Variants in ADPRHL1 observed in about 807,000 individuals in gnomAD.
ADPRHL1 encodes ADP-ribosylhydrolase like 1, also known as inactive ADP-ribosyltransferase ARH2.
ADPRHL1 carries 43 observed loss-of-function variants against 44.1 expected under a neutral mutation model. That is an observed-to-expected ratio of 0.98 (90% confidence interval 0.76 to 1.26). The LOEUF (loss-of-function observed/expected upper bound fraction) is 1.26, where lower values mean the gene tolerates loss of function less well. Among genes scored for constraint, ADPRHL1 ranks in the 50% most tolerant of loss-of-function variants. ADPRHL1 has a pLI of 0.00. For synonymous variants in ADPRHL1, 878 were observed against 1,017.4 expected, an observed-to-expected ratio of 0.86 and a Z score of 2.61; for missense variants, 2,022 against 2,496.9, an observed-to-expected ratio of 0.81 and a Z score of 4.05.
At chr13:113,445,756 G>C (rs2139649955) in intron 1 of ADPRHL1, among the ~76,000 whole-genome samples, 1 of 152,258 alleles carries the variant, frequency 6.6e-6, no homozygotes, top group East Asian at 1.9e-4. Flanking sequence ...AGATGTCCTA[G>C]CATGGATGGG....
rs1434552587 is a variant in ADPRHL1 at position 113,450,098 on chromosome 13, T to G, written c.214+3126A>C. ...GAGTCAGCACTCACCATTGTCGTTT[T>G]GTAGAGATGGAGTCTTGCTATGTTT... On this transcript the variant is annotated intron_variant, in intron 1 of 7. Coordinates refer to ENST00000612156, the MANE Select transcript of ADPRHL1 (RefSeq NM_001394807.1). Among the ~76,000 whole-genome samples, 5 of 152,218 alleles carry G rather than the reference T, an allele frequency of 3.3e-5. No homozygotes were observed. The East Asian group carries it at 9.6e-4, about 29-fold the overall frequency.
intron 7 of ADPRHL1, chr13:113,421,806 C>A (rs2043925642): frequency 6.6e-6 from 1 of 152,254 alleles, no homozygotes. Flanking sequence ...TCCAACCAAC[C>A]AGGCTTTCTG....
intron 7 of ADPRHL1, among the ~76,000 whole-genome samples, chr13:113,417,120 G>A (rs1462149444): frequency 6.6e-6 from 1 of 152,254 alleles, no homozygotes; most frequent in African/African-American, 2.4e-5. Flanking sequence ...GCTGCTGGGA[G>A]AGGCGATGCT....
At chr13:113,411,162 CA>C (rs2139601489) in intron 7 of ADPRHL1, among the ~76,000 whole-genome samples, 1 of 152,290 alleles carries the variant, frequency 6.6e-6, no homozygotes, top group African/African-American at 2.4e-5. Flanking sequence ...CCCCACCGTC[CA>C]AATAGAAAGA....
At chr13:113,431,998 G>A (rs146983710) in intron 3 of ADPRHL1, among the ~76,000 whole-genome samples, 32 of 152,330 alleles carry the variant, frequency 2.1e-4, no homozygotes, top group East Asian at 1.7e-3. Context: ...GATTACAGGC[G>A]TGAGCCACCG....
rs9604102 is a variant in ADPRHL1, at chr13:113,409,762, G to A, written c.1062-1542C>T. ...AAATCAGCCGGGCGTGGTGGCGGGC[G>A]CCTGTAGTCCCAGCTACTTGGGAGG... On this transcript the variant is annotated intron_variant, in intron 7 of 7. Coordinates refer to ENST00000612156, the MANE Select transcript of ADPRHL1 (RefSeq NM_001394807.1). The surrounding 1 kb of genome is among the most constrained non-coding windows in gnomAD (Gnocchi z 4.2). 193,445 of 604,496 alleles carry A rather than the reference G, an allele frequency of 0.32. 32,328 individuals carry two copies. Among genetic ancestry groups the A allele is most frequent in the Middle Eastern group, 0.37 (429 of 1,160 alleles). The allele number at this position is 604,496 out of a possible 1,614,324, so 37.4% of individuals were successfully genotyped here. A position where few individuals can be genotyped will look rare whatever the true frequency, so the allele number is the denominator to read the frequency against.
rs1012209011 is a variant in ADPRHL1 at position 113,403,441 on chromosome 13, G to A, written c.5841C>T (p.Ala1947=). The A allele has an allele frequency of 4.9e-6, 6 of 1,232,130 alleles. No homozygotes were observed. The highest frequency in any genetic ancestry group is 4.0e-6 in the Non-Finnish European group (4 of 988,010). 76.3% of individuals were successfully genotyped at this position (1,232,130 alleles called of 1,614,324 possible). A position where few individuals can be genotyped will look rare whatever the true frequency, so the allele number is the denominator to read the frequency against. Reference sequence around the variant, plus strand: ...TCATTGGTCTGAAGGACAAATCGAAGGCCCTCTGGTCACGGAAGCTCTGGG... The same window carrying A: ...TCATTGGTCTGAAGGACAAATCGAAAGCCCTCTGGTCACGGAAGCTCTGGG... The part of the protein sequence containing the change: ...YKAQSFRDQR[A]FDLSFRPMSV... The change falls in exon 8 of 8, where the codon GCC becomes GCT. Residue 1947 remains alanine (A), a synonymous_variant. Coordinates refer to ENST00000612156, the MANE Select transcript of ADPRHL1 (RefSeq NM_001394807.1).
chr13:113,430,565 A>T (rs1233096235), intron 3 of ADPRHL1, among the ~76,000 whole-genome samples: 1 of 152,148 alleles, frequency 6.6e-6, no homozygotes, highest in East Asian at 1.9e-4. Context: ...GTGTGGTGCC[A>T]GTGACTGCAG....
intron 4 of ADPRHL1, among the ~76,000 whole-genome samples, chr13:113,427,561 G>A (rs1014892460): frequency 4.0e-5 from 6 of 150,992 alleles, no homozygotes; most frequent in African/African-American, 1.2e-4. Flanking sequence ...TTTTTGAGAC[G>A]GAGTCTCTGT....
At position 113,403,389 on chromosome 13, in the gene ADPRHL1, G is replaced by A; in HGVS notation, c.5893C>T (p.Leu1965Phe). 1 of 1,232,126 alleles carries A rather than the reference G, an allele frequency of 8.1e-7. No homozygotes were observed. The highest frequency in any genetic ancestry group is 3.2e-5 in the East Asian group (1 of 31,706). 76.3% of individuals were successfully genotyped at this position (1,232,126 alleles called of 1,614,324 possible). A position where few individuals can be genotyped will look rare whatever the true frequency, so the allele number is the denominator to read the frequency against. Residue 1965 changes from leucine to phenylalanine, a missense_variant, in exon 8 of 8, where the codon CTC becomes TTC. Coordinates refer to ENST00000612156, the MANE Select transcript of ADPRHL1 (RefSeq NM_001394807.1). Reference protein sequence around the residue: ...MSVRASDTSELPK With the variant: ...MSVRASDTSEFPK ...GTGTACTCGGGGCCTCACTTTGGGA[G>A]CTCAGACGTGTCGCTGGCCCTGACG... is the stretch of plus-strand genomic sequence containing the variant.
At chr13:113,437,596 A>G (rs182143234) in intron 2 of ADPRHL1, among the ~76,000 whole-genome samples, 12 of 152,318 alleles carry the variant, frequency 7.9e-5, no homozygotes, top group Non-Finnish European at 1.3e-4. Context: ...GTCACTCCTT[A>G]TAACTGCTCT....
chr13:113,453,464 C>A lies in ADPRHL1; in HGVS notation c.-27G>T. On this transcript the variant is annotated 5_prime_UTR_variant, in exon 1 of 8. Coordinates refer to ENST00000612156, the MANE Select transcript of ADPRHL1 (RefSeq NM_001394807.1). The surrounding 1 kb of genome is among the most constrained non-coding windows in gnomAD (Gnocchi z 5.4). Reference sequence around the variant, plus strand: ...CCAGGAGGCAGCTCCTCTTCCCCAACAGCTGCGGAGCGTCCTGGCCTTTGT... The same window carrying A: ...CCAGGAGGCAGCTCCTCTTCCCCAAAAGCTGCGGAGCGTCCTGGCCTTTGT... The A allele has an allele frequency of 6.2e-7, 1 of 1,611,766 alleles. No homozygotes were observed.
At chr13:113,423,343 G>A (rs1373268095) in intron 6 of ADPRHL1, among the ~76,000 whole-genome samples, 6 of 152,180 alleles carry the variant, frequency 3.9e-5, no homozygotes, top group Non-Finnish European at 5.9e-5. Flanking sequence ...TGTGTGAAGC[G>A]GTGTTTCAGC....
rs989564061 is a variant in ADPRHL1, at chr13:113,444,866, G to A, written c.215-277C>T. On this transcript the variant is annotated intron_variant, in intron 1 of 7. Coordinates refer to ENST00000612156, the MANE Select transcript of ADPRHL1 (RefSeq NM_001394807.1). ...TCTCGATCTCCTGACCTTGTGATCT[G>A]CCCACCTCAGCCTCCCAAAGTGCTG... is the stretch of plus-strand genomic sequence containing the variant. Among the ~76,000 whole-genome samples the A allele has an allele frequency of 2.1e-3, 320 of 152,156 alleles. 2 individuals carry two copies. The highest frequency in any genetic ancestry group is 6.7e-3 in the African/African-American group (280 of 41,502).
intron 7 of ADPRHL1, among the ~76,000 whole-genome samples, chr13:113,413,624 C>T (rs976479300): frequency 2.6e-5 from 4 of 152,346 alleles, no homozygotes; most frequent in African/African-American, 9.6e-5. Flanking sequence ...AACGCGTCCT[C>T]ATGCGCTGGA....
At chr13:113,446,574 T>C (rs2044139437) in intron 1 of ADPRHL1, among the ~76,000 whole-genome samples, 1 of 151,932 alleles carries the variant, frequency 6.6e-6, no homozygotes, top group Admixed American at 6.6e-5. Flanking sequence ...GTTGTCTACA[T>C]GCACAGTGTT....
In ADPRHL1 at chr13:113,409,267, T is replaced by TC. The variant is rs35919149; in HGVS notation, c.1062-1048dup. ...ACCACAGGAGCAAAGCTGGAAGGTCTCCCCATCTGTGGCAGGGGGTGGAGC... is the reference window on the plus strand; with the variant it reads ...ACCACAGGAGCAAAGCTGGAAGGTCTCCCCCATCTGTGGCAGGGGGTGGAGC... On this transcript the variant is annotated intron_variant, in intron 7 of 7. Transcript: ENST00000612156. This position sits in a 1 kb window ranked among gnomAD's most constrained non-coding sequence, Gnocchi z 4.2. 1.0e-6 allele frequency: 1 copy of TC among 982,600 alleles called. No homozygotes were observed. Among genetic ancestry groups the TC allele is most frequent in the Non-Finnish European group, 1.2e-6 (1 of 827,426 alleles). 60.9% of individuals were successfully genotyped at this position (982,600 alleles called of 1,614,324 possible). A position where few individuals can be genotyped will look rare whatever the true frequency, so the allele number is the denominator to read the frequency against.
At chr13:113,434,982 G>A (rs2044039277) in intron 2 of ADPRHL1, among the ~76,000 whole-genome samples, 1 of 120,134 alleles carries the variant, frequency 8.3e-6, no homozygotes, top group African/African-American at 3.3e-5. Flanking sequence ...CGGCACCCAG[G>A]TGTAGAGTGA....
chr13:113,449,283 CAG>C (rs1449733072), intron 1 of ADPRHL1: 1 of 916,772 alleles, frequency 1.1e-6, no homozygotes, highest in Non-Finnish European at 1.3e-6. Context: ...GGACCCTGTT[CAG>C]AGAGACACAC....
Sources: gnomAD v4.1 joint callset for allele counts (sites outside exome capture counted in the v4.1 genomes callset) on GRCh38, gnomAD v4.1.1 for gene constraint, Gnocchi (gnomAD v3.1) non-coding constraint, MANE v1.5 for transcripts, NCBI Gene and HGNC (gene_info 2026-07-23, HGNC 2026-07-21) for gene names.